Variants in NTNG1 observed in about 807,000 individuals in gnomAD.
NTNG1 encodes netrin G1, also known as netrin-G1.
In NTNG1, 16 loss-of-function variants were observed where a neutral mutation model predicts 54.0. The observed-to-expected ratio is 0.30, with a 90% CI of 0.20 to 0.45. NTNG1 has a LOEUF of 0.45. NTNG1 is among the 20% of genes least tolerant of loss of function. The pLI, the probability that NTNG1 is intolerant of heterozygous loss-of-function variation, is 1.00. For missense variants in NTNG1, 530 were observed against 678.7 expected (o/e 0.78, Z 2.43); for synonymous variants, 255 against 263.1 (o/e 0.97, Z 0.30).
intron 2 of NTNG1, among the ~76,000 whole-genome samples, chr1:107,180,708 A>C (rs1656998011): frequency 1.3e-5 from 2 of 152,174 alleles, no homozygotes; most frequent in African/African-American, 4.8e-5. Context: ...AGAGGCTTAT[A>C]ATTTTTGGCA....
chr1:107,364,931 T>C (rs1670505766), intron 3 of NTNG1, among the ~76,000 whole-genome samples: 1 of 152,186 alleles, frequency 6.6e-6, no homozygotes, highest in South Asian at 2.1e-4. Flanking sequence ...CTTCCCAAAG[T>C]ATAGCACTTG....
chr1:107,152,593 A>T lies in NTNG1; in HGVS notation c.246+3754A>T, dbSNP rs1654662487. Among the ~76,000 whole-genome samples, 5 of 152,220 alleles carry T rather than the reference A, an allele frequency of 3.3e-5. No individual in the cohort carries two copies. In the South Asian group the frequency reaches 8.3e-4, roughly 25 times the overall value. On this transcript the variant is annotated intron_variant, in intron 2 of 7. Transcript: ENST00000370068. ...CAGACGGAAGAACTCATGTGTGTTT[A>T]TACAATTTATGGCTCAGAAGTGCTG... is the stretch of plus-strand genomic sequence containing the variant.
At chr1:107,406,698 A>G (rs1490642447) in intron 4 of NTNG1, among the ~76,000 whole-genome samples, 1 of 152,170 alleles carries the variant, frequency 6.6e-6, no homozygotes, top group Admixed American at 6.6e-5. Flanking sequence ...AATAGTAATC[A>G]TCGCAAAGAT....
At chr1:107,219,302 A>T (rs1447710276) in intron 2 of NTNG1, among the ~76,000 whole-genome samples, 1 of 151,896 alleles carries the variant, frequency 6.6e-6, no homozygotes, top group Non-Finnish European at 1.5e-5. Flanking sequence ...CTCACTGGAG[A>T]TGTTTCTATT....
intron 3 of NTNG1, among the ~76,000 whole-genome samples, chr1:107,346,884 T>TAAAAAAAAAAAAAAAAAAAAAAAAAAAA (rs537482440): frequency 1.0e-5 from 1 of 97,144 alleles, no homozygotes; most frequent in Non-Finnish European, 2.0e-5. Flanking sequence ...TTTTCTATCC[T>TAAAAAAAAAAAAAAAAAAAAAAAAAAAA]AAAAAAAAAA....
chr1:107,232,298 G>A (rs1661122894), intron 2 of NTNG1, among the ~76,000 whole-genome samples: 1 of 152,098 alleles, frequency 6.6e-6, no homozygotes, highest in Admixed American at 6.6e-5. Context: ...ACAAAGTATT[G>A]GTTATACCCC....
chr1:107,288,236 A>C (rs10494067), intron 2 of NTNG1, among the ~76,000 whole-genome samples: 6,235 of 152,278 alleles, frequency 0.041, 158 homozygotes, highest in East Asian at 0.078. Context: ...AAATGTGAAC[A>C]TAAGGGTCTA....
chr1:107,389,434 A>T lies in NTNG1; in HGVS notation c.888-5720A>T, dbSNP rs1192051099. ...ATATTAAGTTATAAAAAAATAAAAAAATGAGGCAGACGGTATAGGTTTTTC... is the reference window on the plus strand; with the variant it reads ...ATATTAAGTTATAAAAAAATAAAAATATGAGGCAGACGGTATAGGTTTTTC... On this transcript the variant is annotated intron_variant, in intron 3 of 7. Coordinates refer to ENST00000370068, the MANE Select transcript of NTNG1 (RefSeq NM_001113226.3). Among the ~76,000 whole-genome samples, 8 of 152,346 alleles carry T rather than the reference A, an allele frequency of 5.3e-5. No individual in the cohort carries two copies. In the East Asian group the frequency reaches 1.5e-3, roughly 29 times the overall value.
intron 3 of NTNG1, among the ~76,000 whole-genome samples, chr1:107,375,682 T>C (rs561483102): frequency 6.6e-6 from 1 of 152,350 alleles, no homozygotes; most frequent in African/African-American, 2.4e-5. Flanking sequence ...CAACCCACAA[T>C]GAAACCCACT....
chr1:107,380,979 ATC>A (rs1671608332), intron 3 of NTNG1, among the ~76,000 whole-genome samples: 1 of 152,182 alleles, frequency 6.6e-6, no homozygotes, highest in South Asian at 2.1e-4. Flanking sequence ...GGTCCCTTTC[ATC>A]TGTTTGTTTT....
intron 5 of NTNG1, among the ~76,000 whole-genome samples, chr1:107,428,613 C>A (rs563053837): frequency 6.6e-6 from 1 of 152,226 alleles, no homozygotes; most frequent in African/African-American, 2.4e-5. Flanking sequence ...ATTGGCCCTC[C>A]TCAGGAATTC....
intron 7 of NTNG1, among the ~76,000 whole-genome samples, chr1:107,456,974 G>T (rs1489869351): frequency 6.6e-6 from 1 of 152,228 alleles, no homozygotes; most frequent in Non-Finnish European, 1.5e-5. Flanking sequence ...CTGCAGAAAT[G>T]AAGCACAACA....
chr1:107,297,114 CAA>C (rs1156394440), intron 2 of NTNG1, among the ~76,000 whole-genome samples: 5 of 126,736 alleles, frequency 3.9e-5, no homozygotes, highest in African/African-American at 1.4e-4. Flanking sequence ...CACACACACA[CAA>C]ACACACACAT....
chr1:107,394,793 T>G lies in NTNG1; in HGVS notation c.888-361T>G, dbSNP rs546159576. On this transcript the variant is annotated intron_variant, in intron 3 of 7. Transcript: ENST00000370068. ...AAACGAAGCCCAGATGAAATTGTCA[T>G]AGATCTGTTAATATCACAAAAAGAC... Among the ~76,000 whole-genome samples the G allele has an allele frequency of 2.6e-5, 4 of 152,324 alleles. No homozygotes were observed. The East Asian group carries it at 5.8e-4, about 22-fold the overall frequency.
At chr1:107,471,416 G>T (rs1163963074) in intron 7 of NTNG1, among the ~76,000 whole-genome samples, 1 of 152,198 alleles carries the variant, frequency 6.6e-6, no homozygotes, top group Non-Finnish European at 1.5e-5. Context: ...GTTTCAGTCT[G>T]TTGTTTGCAT....
At chr1:107,331,830 A>C (rs1250162292) in intron 3 of NTNG1, among the ~76,000 whole-genome samples, 1 of 152,034 alleles carries the variant, frequency 6.6e-6, no homozygotes, top group Admixed American at 6.6e-5. Flanking sequence ...ATAAAATTTC[A>C]TAAATTTTTA....
At chr1:107,460,472 T>A in intron 7 of NTNG1, 1 of 513,382 alleles carries the variant, frequency 1.9e-6, no homozygotes, top group Non-Finnish European at 3.9e-6. Context: ...AATAGTTTTC[T>A]ATTTAGGAAA....
chr1:107,355,671 A>G (rs911408380), intron 3 of NTNG1, among the ~76,000 whole-genome samples: 2 of 152,172 alleles, frequency 1.3e-5, no homozygotes, highest in African/African-American at 4.8e-5. Context: ...GGATGTCTCT[A>G]TGAAATGTGC....
rs770058826 is a variant in NTNG1 at position 107,484,921 on chromosome 1, C to T, written c.*4081C>T. On this transcript the variant is annotated 3_prime_UTR_variant, in exon 8 of 8. Coordinates refer to ENST00000370068, the MANE Select transcript of NTNG1 (RefSeq NM_001113226.3). ...CAGATTCTCTGCTCACAGGATTGACCAAGATATGTGGGAACTGCATTTTCT... is the reference window on the plus strand; with the variant it reads ...CAGATTCTCTGCTCACAGGATTGACTAAGATATGTGGGAACTGCATTTTCT... 6.6e-6 allele frequency among the ~76,000 whole-genome samples: 1 copy of T among 152,184 alleles called. No individual in the cohort carries two copies. Among genetic ancestry groups the T allele is most frequent in the Non-Finnish European group, 1.5e-5 (1 of 68,030 alleles).
Sources: gnomAD v4.1 joint callset for allele counts (sites outside exome capture counted in the v4.1 genomes callset) on GRCh38, gnomAD v4.1.1 for gene constraint, MANE v1.5 for transcripts, NCBI Gene and HGNC (gene_info 2026-07-23, HGNC 2026-07-21) for gene names.